The following PI4K2B variants were observed in gnomAD, a reference collection of about 807,000 sequenced individuals.
PI4K2B encodes phosphatidylinositol 4-kinase type 2-beta.
In PI4K2B, 46 loss-of-function variants were observed where a neutral mutation model predicts 56.6. The ratio of observed to expected loss-of-function variants is 0.81; its 90% confidence interval spans 0.64 to 1.04. The LOEUF (loss-of-function observed/expected upper bound fraction) is 1.04. Ranked by LOEUF, PI4K2B falls within the 50% of genes least tolerant of loss-of-function variation. The pLI is 0.00. For missense variants in PI4K2B, 556 were observed against 607.7 expected (o/e 0.91, Z 0.89); for synonymous variants, 211 against 223.8 (o/e 0.94, Z 0.51).
At chr4:25,235,233 G>A (rs903107775) in intron 1 of PI4K2B, among the ~76,000 whole-genome samples, 2 of 152,200 alleles carry the variant, frequency 1.3e-5, no homozygotes, top group Admixed American at 1.3e-4. Flanking sequence ...AGACAGACTT[G>A]TTTGTAAAAA....
rs893386367 is a variant in PI4K2B at position 25,256,410 on chromosome 4, T to G, written c.625-133T>G. 10 of 813,666 alleles carry G rather than the reference T, an allele frequency of 1.2e-5. No homozygotes were observed. In the African/African-American group the frequency reaches 1.6e-4, roughly 13 times the overall value. 50.4% of individuals were successfully genotyped at this position (813,666 alleles called of 1,614,324 possible). On this transcript the variant is annotated intron_variant, in intron 3 of 9. Transcript: ENST00000264864. Reference sequence around the variant, plus strand: ...TGCAAAATTCCCTGGCTTTTCTGTTTTAGATTCTCTGGGGCCTTTATTACA... The same window carrying G: ...TGCAAAATTCCCTGGCTTTTCTGTTGTAGATTCTCTGGGGCCTTTATTACA...
At chr4:25,238,439 C>T (rs1362784148) in intron 1 of PI4K2B, among the ~76,000 whole-genome samples, 3 of 152,092 alleles carry the variant, frequency 2.0e-5, no homozygotes, top group African/African-American at 4.8e-5. Flanking sequence ...CTATTGTGTC[C>T]GGAATTGGTG....
intron 1 of PI4K2B, among the ~76,000 whole-genome samples, chr4:25,238,284 AACAG>A (rs779636753): frequency 9.8e-5 from 15 of 152,340 alleles, no homozygotes; most frequent in Admixed American, 5.2e-4. Context: ...ACCAAAACAG[AACAG>A]ACAAAGGGTA....
At chr4:25,256,435 A>G in intron 3 of PI4K2B, 108 bp from the exon 4 acceptor site, 1 of 1,041,894 alleles carries the variant, frequency 9.6e-7, no homozygotes, top group East Asian at 2.6e-5. Flanking sequence ...CCTTTATTAC[A>G]GGATTAAACT....
At chr4:25,263,391 A>T (rs1175070196) in intron 6 of PI4K2B, among the ~76,000 whole-genome samples, 1 of 152,176 alleles carries the variant, frequency 6.6e-6, no homozygotes, top group East Asian at 1.9e-4. Flanking sequence ...TAAGGTGTTT[A>T]AAAAAATTAG....
chr4:25,259,789 C>A (rs543740462), intron 5 of PI4K2B, among the ~76,000 whole-genome samples: 13 of 152,302 alleles, frequency 8.5e-5, no homozygotes, highest in South Asian at 4.1e-4. Context: ...CCATCCTGGG[C>A]AGCATGCGGC....
At chr4:25,246,056 C>T (rs534097417) in intron 1 of PI4K2B, among the ~76,000 whole-genome samples, 2 of 152,102 alleles carry the variant, frequency 1.3e-5, no homozygotes, top group Non-Finnish European at 2.9e-5. Flanking sequence ...GAGTTTCTTT[C>T]TTCTGGTGGG....
intron 1 of PI4K2B, chr4:25,250,698 A>G (rs540509122): frequency 6.5e-4 from 99 of 152,326 alleles, no homozygotes; most frequent in African/African-American, 2.4e-3. Flanking sequence ...AGTTACAAAG[A>G]AAAAGTATTA....
chr4:25,239,835 A>C (rs1208027214), intron 1 of PI4K2B, among the ~76,000 whole-genome samples: 1 of 152,200 alleles, frequency 6.6e-6, no homozygotes, highest in African/African-American at 2.4e-5. Context: ...TGCTGTTGGG[A>C]ATTTGGCCAA....
At position 25,260,518 on chromosome 4, in the gene PI4K2B, T is replaced by C; in HGVS notation, c.911-6T>C. 7.2e-7 allele frequency: 1 copy of C among 1,383,874 alleles called. No homozygotes were observed. Among genetic ancestry groups the C allele is most frequent in the Non-Finnish European group, 9.7e-7 (1 of 1,032,176 alleles). 85.7% of individuals were successfully genotyped at this position (1,383,874 alleles called of 1,614,324 possible). On this transcript the variant is annotated splice_region_variant and splice_polypyrimidine_tract_variant and intron_variant, in intron 5 of 9. Transcript: ENST00000264864. ...AAGTAACAGATTTTCTTGTTTGTTT[T>C]GAAAGACAGGGGCAATGATAATTGG... is the stretch of plus-strand genomic sequence containing the variant.
intron 1 of PI4K2B, among the ~76,000 whole-genome samples, chr4:25,250,131 A>C (rs1024173864): frequency 1.3e-5 from 2 of 152,168 alleles, no homozygotes; most frequent in African/African-American, 4.8e-5. Flanking sequence ...AGGCGGGAGA[A>C]TCAGGCAGGG....
intron 1 of PI4K2B, among the ~76,000 whole-genome samples, chr4:25,248,015 A>C (rs1309120030): frequency 6.6e-6 from 1 of 151,936 alleles, no homozygotes; most frequent in Non-Finnish European, 1.5e-5. Flanking sequence ...GTGAACATCT[A>C]TTTTTTTCTG....
chr4:25,247,213 G>T (rs754266896), intron 1 of PI4K2B, among the ~76,000 whole-genome samples: 1 of 152,240 alleles, frequency 6.6e-6, no homozygotes, highest in Non-Finnish European at 1.5e-5. Flanking sequence ...CTGATAATCT[G>T]GTTTAGTTTA....
At chr4:25,276,834 CGT>C (rs1560382829) in intron 9 of PI4K2B, 178 bp from the exon 10 acceptor site, 7 of 982,482 alleles carry the variant, frequency 7.1e-6, no homozygotes, top group African/African-American at 1.8e-5. Context: ...TGTGTGTGCG[CGT>C]GTGTGTGTAA....
intron 3 of PI4K2B, among the ~76,000 whole-genome samples, chr4:25,256,176 C>A (rs1716257627): frequency 6.6e-6 from 1 of 152,226 alleles, no homozygotes; most frequent in Non-Finnish European, 1.5e-5. Context: ...CCACAGCCCC[C>A]CAGAGTGTTG....
intron 2 of PI4K2B, 83 bp from the exon 3 acceptor site, chr4:25,254,982 A>G: frequency 1.1e-6 from 1 of 881,912 alleles, no homozygotes; most frequent in Non-Finnish European, 1.8e-6. Context: ...GAAGCAGTAG[A>G]GAACAATTTA....
At chr4:25,272,220 C>G (rs912073402) in intron 9 of PI4K2B, among the ~76,000 whole-genome samples, 1 of 151,800 alleles carries the variant, frequency 6.6e-6, no homozygotes, top group Non-Finnish European at 1.5e-5. Context: ...GTGTCTGTGG[C>G]TGTCTCCTAT....
At chr4:25,275,769 T>C (rs1199852650) in intron 9 of PI4K2B, among the ~76,000 whole-genome samples, 1 of 152,232 alleles carries the variant, frequency 6.6e-6, no homozygotes, top group East Asian at 1.9e-4. Flanking sequence ...AAGATCTATT[T>C]TCCTGATGTG....
At chr4:25,239,215 G>A (rs1361099190) in intron 1 of PI4K2B, among the ~76,000 whole-genome samples, 1 of 152,258 alleles carries the variant, frequency 6.6e-6, no homozygotes, top group Non-Finnish European at 1.5e-5. Flanking sequence ...AGGTGGAGCT[G>A]CCTGCCAGTC....
Sources: gnomAD v4.1 joint callset for allele counts (sites outside exome capture counted in the v4.1 genomes callset) on GRCh38, gnomAD v4.1.1 for gene constraint, MANE v1.5 for transcripts, NCBI Gene and HGNC (gene_info 2026-07-23, HGNC 2026-07-21) for gene names.